The following GRIA1 variants were observed in gnomAD, a reference collection of about 807,000 sequenced individuals.
GRIA1 encodes glutamate receptor 1.
A neutral mutation model predicts 99.2 loss-of-function variants in GRIA1; 31 were observed. That is an observed-to-expected ratio of 0.31 (90% CI 0.23 to 0.42). The LOEUF is 0.42. Among genes scored for constraint, GRIA1 ranks in the 10% least tolerant of loss-of-function variants. The pLI is 1.00. For synonymous variants in GRIA1, 438 were observed against 432.4 expected, an observed-to-expected ratio of 1.01 and a Z score of -0.16; for missense variants, 782 against 1,157.5, an observed-to-expected ratio of 0.68 and a Z score of 4.71.
In GRIA1 at chr5:153,698,066, A is replaced by G; in HGVS notation, c.1157A>G (p.Asp386Gly). 2 of 1,605,866 alleles carry G rather than the reference A, an allele frequency of 1.2e-6. No homozygotes were observed. Among genetic ancestry groups the G allele is most frequent in the Non-Finnish European group, 8.5e-7 (1 of 1,172,572 alleles). Residue 386 changes from aspartate to glycine, a missense_variant, in exon 9 of 16, where the codon GAT becomes GGT. Coordinates refer to ENST00000285900, the MANE Select transcript of GRIA1 (RefSeq NM_000827.4). ...CAGATTGGTTACTGGAATGAAGATG[A>G]TAAGTTTGTCCCTGCAGCCACCGAT... ...IRKIGYWNED[D>G]KFVPAATDAQ...
intron 5 of GRIA1, among the ~76,000 whole-genome samples, chr5:153,667,548 T>A (rs1755836717): frequency 6.6e-6 from 1 of 152,218 alleles, no homozygotes; most frequent in South Asian, 2.1e-4. Flanking sequence ...TAATAATAGC[T>A]AACATTCATT....
At chr5:153,784,291 A>G (rs1414551331) in intron 13 of GRIA1, among the ~76,000 whole-genome samples, 1 of 152,144 alleles carries the variant, frequency 6.6e-6, no homozygotes, top group Non-Finnish European at 1.5e-5. Context: ...TAGTTACATG[A>G]CATGTCACAT....
At chr5:153,669,636 C>T (rs536662332) in intron 5 of GRIA1, among the ~76,000 whole-genome samples, 23 of 152,234 alleles carry the variant, frequency 1.5e-4, no homozygotes, top group African/African-American at 5.3e-4. Flanking sequence ...ACAATATATT[C>T]ACATGATAAA....
At chr5:153,775,814 A>G (rs1277127777) in intron 13 of GRIA1, among the ~76,000 whole-genome samples, 1 of 151,470 alleles carries the variant, frequency 6.6e-6, no homozygotes, top group Non-Finnish European at 1.5e-5. Context: ...ATGGTGGAAG[A>G]ATTGTGGAAG....
intron 2 of GRIA1, among the ~76,000 whole-genome samples, chr5:153,523,014 A>ATC (rs1491124899): frequency 9.4e-5 from 7 of 74,282 alleles, no homozygotes; most frequent in African/African-American, 3.3e-4. Flanking sequence ...CTTGTTCCTG[A>ATC]TATCTCTCTC....
At chr5:153,775,162 G>T (rs529491505) in intron 13 of GRIA1, among the ~76,000 whole-genome samples, 44 of 152,334 alleles carry the variant, frequency 2.9e-4, no homozygotes, top group African/African-American at 1.1e-3. Flanking sequence ...AAACTGAAAT[G>T]TCTTTTCTTT....
chr5:153,677,477 A>G (rs1042588426), intron 7 of GRIA1, among the ~76,000 whole-genome samples: 9 of 152,282 alleles, frequency 5.9e-5, no homozygotes, highest in African/African-American at 2.2e-4. Context: ...GAACCATGTT[A>G]ATGGTCTCCT....
At chr5:153,762,887 A>G (rs1763276856) in intron 11 of GRIA1, among the ~76,000 whole-genome samples, 1 of 152,230 alleles carries the variant, frequency 6.6e-6, no homozygotes, top group African/African-American at 2.4e-5. Flanking sequence ...AACTTCTACA[A>G]AGTTCTCCTA....
At chr5:153,678,992 C>A (rs1001459583) in intron 7 of GRIA1, among the ~76,000 whole-genome samples, 10 of 152,190 alleles carry the variant, frequency 6.6e-5, no homozygotes, top group Non-Finnish European at 8.8e-5. Flanking sequence ...TTCTTATGGT[C>A]TAACCCATGT....
At chr5:153,787,079 G>T (rs776854553) in intron 13 of GRIA1, among the ~76,000 whole-genome samples, 1 of 152,204 alleles carries the variant, frequency 6.6e-6, no homozygotes, top group Non-Finnish European at 1.5e-5. Context: ...CCTTTCATAA[G>T]TTGAGACAAA....
chr5:153,654,899 A>G (rs1246070144), intron 4 of GRIA1, among the ~76,000 whole-genome samples: 1 of 152,154 alleles, frequency 6.6e-6, no homozygotes, highest in Non-Finnish European at 1.5e-5. Context: ...AGTCTTAACC[A>G]TTCATTATTA....
intron 2 of GRIA1, among the ~76,000 whole-genome samples, chr5:153,626,027 C>G (rs139150417): frequency 6.6e-6 from 1 of 152,260 alleles, no homozygotes; most frequent in African/African-American, 2.4e-5. Context: ...GGCCACCGAA[C>G]CTGGAGGGAG....
intron 15 of GRIA1, among the ~76,000 whole-genome samples, chr5:153,809,391 G>T (rs564271739): frequency 6.6e-6 from 1 of 152,306 alleles, no homozygotes; most frequent in East Asian, 1.9e-4. Flanking sequence ...GACAGAACCA[G>T]TGTGGGTGGT....
intron 2 of GRIA1, among the ~76,000 whole-genome samples, chr5:153,624,171 C>T (rs964682007): frequency 5.3e-5 from 8 of 152,140 alleles, no homozygotes; most frequent in Admixed American, 6.5e-5. Flanking sequence ...TTTTAAATAA[C>T]TCAGTTATTG....
chr5:153,751,994 C>T (rs1762540206), intron 11 of GRIA1, among the ~76,000 whole-genome samples: 1 of 152,206 alleles, frequency 6.6e-6, no homozygotes. Flanking sequence ...TGGATCTCGG[C>T]AGTCAGCCCG....
chr5:153,638,219 A>G (rs1753527772), intron 2 of GRIA1, among the ~76,000 whole-genome samples: 2 of 152,248 alleles, frequency 1.3e-5, no homozygotes, highest in South Asian at 4.1e-4. Context: ...GGGCAAAGGC[A>G]TCATCTGTCT....
At chr5:153,737,136 G>A (rs578252563) in intron 11 of GRIA1, among the ~76,000 whole-genome samples, 1 of 152,124 alleles carries the variant, frequency 6.6e-6, no homozygotes, top group Non-Finnish European at 1.5e-5. Flanking sequence ...GTGATATGAA[G>A]TAAATGCATA....
At chr5:153,546,576 C>T (rs1005235745) in intron 2 of GRIA1, among the ~76,000 whole-genome samples, 3 of 152,078 alleles carry the variant, frequency 2.0e-5, no homozygotes, top group Admixed American at 2.0e-4. Context: ...CAAGTTGTTC[C>T]AACAGTCATG....
At chr5:153,779,155 G>A (rs1381120) in intron 13 of GRIA1, among the ~76,000 whole-genome samples, 29,783 of 152,158 alleles carry the variant, frequency 0.2, 3,119 homozygotes, top group Middle Eastern at 0.31. Flanking sequence ...TCAGTGCCCT[G>A]TGATGGTCAT....
Sources: gnomAD v4.1 joint callset for allele counts (sites outside exome capture counted in the v4.1 genomes callset) on GRCh38, gnomAD v4.1.1 for gene constraint, MANE v1.5 for transcripts, NCBI Gene and HGNC (gene_info 2026-07-23, HGNC 2026-07-21) for gene names.